Variants in ALG8 observed in about 807,000 individuals in gnomAD.
ALG8 encodes ALG8 alpha-1,3-glucosyltransferase.
Under a neutral mutation model 70.2 loss-of-function variants are expected in ALG8, and 48 were observed. That is an observed-to-expected ratio of 0.68 (90% confidence interval 0.54 to 0.87). ALG8 has a LOEUF of 0.87. Ranked by LOEUF, ALG8 falls within the 40% of genes least tolerant of loss-of-function variation. The pLI, the probability that ALG8 is intolerant of heterozygous loss-of-function variation, is 0.00. For missense variants in ALG8, 572 were observed against 608.7 expected (o/e 0.94, Z 0.64); for synonymous variants, 234 against 229.0 (o/e 1.02, Z -0.20).
chr11:78,114,399 G>A lies in ALG8; in HGVS notation c.547-7C>T, dbSNP rs780400704. 6 of 1,613,430 alleles carry A rather than the reference G, an allele frequency of 3.7e-6. No homozygotes were observed. Among genetic ancestry groups the A allele is most frequent in the Non-Finnish European group, 5.1e-6 (6 of 1,179,806 alleles). Reference sequence around the variant, plus strand: ...CTCCTTCCATATGCCTTTTCTAGGAGATTTAAAAGGGAAATATCACTTTAA... The same window carrying A: ...CTCCTTCCATATGCCTTTTCTAGGAAATTTAAAAGGGAAATATCACTTTAA... On this transcript the variant is annotated splice_region_variant and splice_polypyrimidine_tract_variant and intron_variant, in intron 5 of 12. Coordinates refer to ENST00000299626, the MANE Select transcript of ALG8 (RefSeq NM_024079.5).
chr11:78,128,818 G>T (rs374438879), intron 1 of ALG8, among the ~76,000 whole-genome samples: 2 of 151,348 alleles, frequency 1.3e-5, no homozygotes, highest in Non-Finnish European at 2.9e-5. Context: ...GTTTTACTGT[G>T]TTGGCCAGGA....
chr11:78,112,231 C>G (rs1860319700), intron 8 of ALG8: 1 of 273,172 alleles, frequency 3.7e-6, no homozygotes, highest in Non-Finnish European at 7.1e-6. Flanking sequence ...GCACTATGAT[C>G]TCAACACCAT....
chr11:78,128,834 T>C (rs1221665906), intron 1 of ALG8, among the ~76,000 whole-genome samples: 1 of 151,628 alleles, frequency 6.6e-6, no homozygotes, highest in Non-Finnish European at 1.5e-5. Context: ...CAGGATGGTC[T>C]TGATCTCCTG....
intron 4 of ALG8, 132 bp from the exon 5 acceptor site, chr11:78,119,381 C>T (rs1417262491): frequency 2.9e-6 from 2 of 679,290 alleles, no homozygotes; most frequent in Non-Finnish European, 5.3e-6. Context: ...CTAATGTGGA[C>T]TGCTCATAAA....
At chr11:78,117,841 G>A (rs372650116) in intron 5 of ALG8, among the ~76,000 whole-genome samples, 5 of 151,750 alleles carry the variant, frequency 3.3e-5, no homozygotes, top group East Asian at 1.9e-4. Context: ...TTGGGAGGCC[G>A]AGGTGGGCAG....
At chr11:78,119,426 TA>T (rs762685051) in intron 4 of ALG8, among the ~76,000 whole-genome samples, 177 bp from the exon 5 acceptor site, 3 of 96,796 alleles carry the variant, frequency 3.1e-5, no homozygotes, top group African/African-American at 6.0e-5. Context: ...ATTTTTTTTT[TA>T]ATTTTTTTTT....
chr11:78,125,747 G>A (rs1022840993), intron 2 of ALG8, among the ~76,000 whole-genome samples: 4 of 152,038 alleles, frequency 2.6e-5, no homozygotes, highest in Non-Finnish European at 4.4e-5. Context: ...GGCAGAGGTC[G>A]CCAGTCAGCC....
At chr11:78,103,945 AGAGT>A (rs1859908599) in intron 12 of ALG8, 31 bp downstream of exon 12, 1 of 1,194,152 alleles carries the variant, frequency 8.4e-7, no homozygotes, top group Non-Finnish European at 1.2e-6. Context: ...ACATTTCACA[AGAGT>A]AAGTATAATT....
At position 78,107,004 on chromosome 11, in the gene ALG8, C is replaced by T; in HGVS notation, c.1039-58G>A. ...TCATTTGAAACAGACTTTACAGAAA[C>T]AGAGTTCAGGTGAATACAATTTGCA... On this transcript the variant is annotated intron_variant, in intron 9 of 12. Coordinates refer to ENST00000299626, the MANE Select transcript of ALG8 (RefSeq NM_024079.5). 3 of 1,598,836 alleles carry T rather than the reference C, an allele frequency of 1.9e-6. No homozygotes were observed. The South Asian group carries it at 3.3e-5, about 18-fold the overall frequency.
intron 12 of ALG8, among the ~76,000 whole-genome samples, chr11:78,101,714 A>T (rs1174261264): frequency 6.6e-6 from 1 of 152,220 alleles, no homozygotes; most frequent in Non-Finnish European, 1.5e-5. Context: ...TTACTCCACC[A>T]TTGACCTATG....
In ALG8 at chr11:78,112,696, G is replaced by A; in HGVS notation, c.852C>T (p.Asn284=). The A allele has an allele frequency of 1.9e-6, 3 of 1,614,090 alleles. No individual in the cohort carries two copies. The highest frequency in any genetic ancestry group is 2.2e-5 in the East Asian group (1 of 44,874). ...RGLCHAYWAP[N]FWALYNALDK... ...CCAAAGCATTGTACAAAGCCCAGAA[G>A]TTTGGAGCCCAATATGCATGACAGA... The change falls in exon 8 of 13, where the codon AAC becomes AAT. Residue 284 remains asparagine (N), a synonymous_variant. Coordinates refer to ENST00000299626, the MANE Select transcript of ALG8 (RefSeq NM_024079.5).
In ALG8 at chr11:78,101,019, T is replaced by C. The variant is rs1425576797; in HGVS notation, c.1526A>G (p.Lys509Arg). The C allele has an allele frequency of 8.7e-6, 14 of 1,614,220 alleles. No homozygotes were observed. Among genetic ancestry groups the C allele is most frequent in the Non-Finnish European group, 9.3e-6 (11 of 1,180,042 alleles). The change falls in exon 13 of 13, where the codon AAA (lysine) becomes AGA (arginine). Residue 509 changes from lysine to arginine, a missense_variant. Transcript: ENST00000299626. ...GTCAATCAATACTGAAACATACAGT[T>C]TGAACCAAGCATATGTGATGCCTAC... is the stretch of plus-strand genomic sequence containing the variant. ...CAVGITYAWF[K>R]LYVSVLIDSA...
chr11:78,131,238 GA>G, intron 1 of ALG8, among the ~76,000 whole-genome samples: 1 of 149,712 alleles, frequency 6.7e-6, no homozygotes, highest in East Asian at 2.0e-4. Context: ...AATGACACTT[GA>G]AAAAAAAAGC....
intron 5 of ALG8, among the ~76,000 whole-genome samples, chr11:78,116,443 G>A (rs1860573739): frequency 6.6e-6 from 1 of 151,974 alleles, no homozygotes; most frequent in Admixed American, 6.6e-5. Context: ...AATTTGGCTG[G>A]GTGGGGTGGC....
intron 1 of ALG8, among the ~76,000 whole-genome samples, chr11:78,136,462 A>C (rs1168734164): frequency 6.6e-6 from 1 of 152,080 alleles, no homozygotes; most frequent in African/African-American, 2.4e-5. Context: ...GCTCAAGCGC[A>C]GGAGATTAAG....
Position 78,139,581 on chromosome 11 carries a change from G to A in ALG8, c.8C>T (p.Ala3Val). 6.4e-7 allele frequency: 1 copy of A among 1,555,444 alleles called. No individual in the cohort carries two copies. Among genetic ancestry groups the A allele is most frequent in the Non-Finnish European group, 8.7e-7 (1 of 1,149,056 alleles). Residue 3 changes from alanine (A) to valine (V), a missense_variant, in exon 1 of 13, where the codon GCG (alanine) becomes GTG (valine). Ala to Val is a moderately conservative substitution (Grantham distance 64). Transcript: ENST00000299626. ...GCCAGTACCCGTGGCAATTGTGAGC[G>A]CCGCCATTGCTGCGGCACCGCACGC... MA[A>V]LTIATGTGNW... is the part of the protein sequence containing the mutation.
intron 1 of ALG8, chr11:78,135,354 CAA>C (rs76433691): frequency 4.7e-4 from 62 of 130,730 alleles, no homozygotes; most frequent in Middle Eastern, 4.1e-3. Context: ...GACCCTGTTT[CAA>C]AAAAAAAAAA....
At position 78,113,941 on chromosome 11, in the gene ALG8, A is replaced by G; in HGVS notation, c.722T>C (p.Leu241Pro). ...AGAAACTAAGAAAACAACCAGTCCC[A>G]GGGAAATAACACGAACAAAGCTGAA... Reference protein sequence around the residue: ...KSFSFVRVISLGLVVFLVSAL... With the variant: ...KSFSFVRVISPGLVVFLVSAL... The change falls in exon 7 of 13, where the codon CTG becomes CCG. Residue 241 changes from leucine to proline, a missense_variant. Transcript: ENST00000299626. 2.5e-6 allele frequency: 4 copies of G among 1,609,290 alleles called. No individual in the cohort carries two copies. The highest frequency in any genetic ancestry group is 3.4e-6 in the Non-Finnish European group (4 of 1,177,956).
intron 2 of ALG8, among the ~76,000 whole-genome samples, chr11:78,125,593 C>T (rs1288315281): frequency 2.8e-5 from 4 of 145,162 alleles, no homozygotes; most frequent in Non-Finnish European, 4.5e-5. Flanking sequence ...TGGTGAAACC[C>T]TGTCTCTACT....
Sources: gnomAD v4.1 joint callset for allele counts (sites outside exome capture counted in the v4.1 genomes callset) on GRCh38, gnomAD v4.1.1 for gene constraint, MANE v1.5 for transcripts, NCBI Gene and HGNC (gene_info 2026-07-23, HGNC 2026-07-21) for gene names.